The following ACADSB variants were observed in gnomAD, a reference collection of about 807,000 sequenced individuals.
The protein encoded by ACADSB is acyl-CoA dehydrogenase short/branched chain, also known as short/branched chain specific acyl-CoA dehydrogenase, mitochondrial.
ACADSB carries 40 observed loss-of-function variants against 54.1 expected under a neutral mutation model. The ratio of observed to expected loss-of-function variants is 0.74; its 90% CI spans 0.57 to 0.96. The LOEUF is 0.96. Ranked by LOEUF, ACADSB falls within the 40% of genes least tolerant of loss-of-function variation. The pLI is 0.00. For synonymous variants in ACADSB, 182 were observed against 182.8 expected, an observed-to-expected ratio of 1.00 and a Z score of 0.03; for missense variants, 530 against 510.4, an observed-to-expected ratio of 1.04 and a Z score of -0.37.
chr10:123,024,559 G>A (rs983915535), intron 1 of ACADSB, among the ~76,000 whole-genome samples: 3 of 152,384 alleles, frequency 2.0e-5, no homozygotes, highest in Middle Eastern at 3.4e-3. Flanking sequence ...CAAACTTTGG[G>A]CTTACCACCT....
At position 123,044,398 on chromosome 10, in the gene ACADSB, A is replaced by G. The variant is rs1161207800; in HGVS notation, c.813A>G (p.Pro271=). ...GTGCACATTTGTATTTTCAGGTTCC[A>G]GAAGCCAATATCTTGGGACAAATTG... ...CPLTFENVKV[P]EANILGQIGH... is the part of the protein sequence containing the mutation. The change falls in exon 7 of 11, where the codon CCA becomes CCG. Residue 271 remains proline (P), a synonymous_variant. Coordinates refer to ENST00000358776, the MANE Select transcript of ACADSB (RefSeq NM_001609.4). 1.2e-5 allele frequency: 20 copies of G among 1,611,742 alleles called. No individual in the cohort carries two copies. The highest frequency in any genetic ancestry group is 1.7e-5 in the Non-Finnish European group (20 of 1,177,826).
chr10:123,041,122 T>A, intron 4 of ACADSB, 87 bp from the exon 5 acceptor site: 4 of 1,405,852 alleles, frequency 2.8e-6, no homozygotes, highest in Non-Finnish European at 4.0e-6. Context: ...AAGATTTGAT[T>A]TACAAATGTC....
chr10:123,018,444 T>A (rs550606985), intron 1 of ACADSB, among the ~76,000 whole-genome samples: 1 of 152,232 alleles, frequency 6.6e-6, no homozygotes, highest in Non-Finnish European at 1.5e-5. Context: ...AAGACTAGAA[T>A]GAAGAATCAG....
At chr10:123,035,461 GTTC>G (rs1850385756) in intron 2 of ACADSB, among the ~76,000 whole-genome samples, 1 of 152,094 alleles carries the variant, frequency 6.6e-6, no homozygotes, top group Non-Finnish European at 1.5e-5. Context: ...TCAGAATGTT[GTTC>G]TTAGAGAATA....
chr10:123,031,865 TTGTC>T (rs1334681793), intron 1 of ACADSB, among the ~76,000 whole-genome samples: 1 of 152,218 alleles, frequency 6.6e-6, no homozygotes, highest in African/African-American at 2.4e-5. Context: ...GTCCTATACT[TTGTC>T]AGTAGCAATA....
rs904816406 is a variant in ACADSB at position 123,052,959 on chromosome 10, G to C, written c.1129-102G>C. 4.6e-6 allele frequency: 4 copies of C among 863,726 alleles called. No homozygotes were observed. The African/African-American group carries it at 5.0e-5, about 11-fold the overall frequency. The allele number at this position is 863,726 out of a possible 1,614,324, so 53.5% of individuals were successfully genotyped here. A position where few individuals can be genotyped will look rare whatever the true frequency, so the allele number is the denominator to read the frequency against. On this transcript the variant is annotated intron_variant, in intron 9 of 10. Coordinates refer to ENST00000358776, the MANE Select transcript of ACADSB (RefSeq NM_001609.4). The surrounding 1 kb of genome is among the most constrained non-coding windows in gnomAD (Gnocchi z 4.2). ...AGAAGATAACTTTAGTCCTTCCAGT[G>C]CCACTAACAGTAAATCCATGTTGCT...
intron 3 of ACADSB, among the ~76,000 whole-genome samples, chr10:123,038,454 G>A (rs61318574): frequency 0.11 from 17,266 of 152,200 alleles, 1,085 homozygotes; most frequent in East Asian, 0.14. Context: ...TACAACGTAT[G>A]AAATAGATAC....
At chr10:123,044,568 G>A in intron 7 of ACADSB, 83 bp downstream of exon 7, 4 of 1,062,198 alleles carry the variant, frequency 3.8e-6, no homozygotes, top group Non-Finnish European at 5.8e-6. Flanking sequence ...ATGAATATTT[G>A]GAAGCTTATG....
At chr10:123,039,812 A>T (rs1156865769) in intron 3 of ACADSB, among the ~76,000 whole-genome samples, 1 of 152,342 alleles carries the variant, frequency 6.6e-6, no homozygotes, top group East Asian at 1.9e-4. Flanking sequence ...TTAAGCAGGC[A>T]ACAACAGTTC....
At chr10:123,045,138 T>G (rs866267354) in intron 7 of ACADSB, among the ~76,000 whole-genome samples, 25 of 11,350 alleles carry the variant, frequency 2.2e-3, no homozygotes, top group African/African-American at 8.0e-3. Flanking sequence ...AGTGTATATA[T>G]ATATATATAT....
At chr10:123,009,097 T>G in intron 1 of ACADSB, 26 bp downstream of exon 1, 1 of 1,543,112 alleles carries the variant, frequency 6.5e-7, no homozygotes, top group Non-Finnish European at 8.7e-7. Context: ...GCTGGCGTCC[T>G]GGGGGCCCAG....
intron 1 of ACADSB, 70 bp from the exon 2 acceptor site, chr10:123,034,286 G>T (rs1246773792): frequency 2.3e-5 from 35 of 1,500,288 alleles, no homozygotes; most frequent in Non-Finnish European, 2.8e-5. Context: ...TATAAGAATG[G>T]GTTATAAAGT....
intron 10 of ACADSB, among the ~76,000 whole-genome samples, 158 bp downstream of exon 10, chr10:123,053,318 C>A (rs1251061060): frequency 1.3e-5 from 2 of 151,608 alleles, no homozygotes; most frequent in South Asian, 2.1e-4. Flanking sequence ...TTTTTTCTTA[C>A]CTCGTCCTTC....
chr10:123,037,986 T>G, intron 3 of ACADSB, 139 bp downstream of exon 3: 1 of 666,354 alleles, frequency 1.5e-6, no homozygotes, highest in Non-Finnish European at 2.6e-6. Context: ...GATATTTATG[T>G]ACTTAAAAGT....
Position 123,053,758 on chromosome 10 carries a change from A to C in ACADSB, c.1292A>C (p.Glu431Ala). The C allele has an allele frequency of 6.2e-7, 1 of 1,613,686 alleles. No homozygotes were observed. Among genetic ancestry groups the C allele is most frequent in the Non-Finnish European group, 8.5e-7 (1 of 1,179,562 alleles). ...ACCATTGCAAAGCATATCGATGCAG[A>C]ATACTGACGTCTATAGGAGTGGGAC... ...LNTIAKHIDA[E>A]Y The change falls in exon 11 of 11, where the codon GAA becomes GCA. Residue 431 changes from glutamate (E) to alanine (A), a missense_variant. Physicochemically the swap from Glu to Ala is moderately radical, Grantham distance 107. Coordinates refer to ENST00000358776, the MANE Select transcript of ACADSB (RefSeq NM_001609.4).
chr10:123,030,818 T>C (rs1345100368), intron 1 of ACADSB, among the ~76,000 whole-genome samples: 4 of 152,198 alleles, frequency 2.6e-5, no homozygotes, highest in Non-Finnish European at 4.4e-5. Flanking sequence ...CAGGAGTTCT[T>C]AACCTTCTTT....
Position 123,047,192 on chromosome 10 carries a change from T to C in ACADSB, c.901-17T>C, listed in dbSNP as rs1221303526. On this transcript the variant is annotated splice_polypyrimidine_tract_variant and intron_variant, in intron 7 of 10. Transcript: ENST00000358776. The stretch of plus-strand genomic sequence containing the variant: ...AACAAAATAAGAAATTCTGATCTTA[T>C]TTTTTTGTTTTAACAGATGCTGGGA... 6 of 1,555,696 alleles carry C rather than the reference T, an allele frequency of 3.9e-6. No homozygotes were observed. The highest frequency in any genetic ancestry group is 1.4e-5 in the African/African-American group (1 of 73,634).
At chr10:123,029,345 CAAAAAAAAAGAGAAGAAA>C (rs939100910) in intron 1 of ACADSB, among the ~76,000 whole-genome samples, 1 of 138,730 alleles carries the variant, frequency 7.2e-6, no homozygotes, top group African/African-American at 2.7e-5. Flanking sequence ...GATTCTGTCT[CAAAAAAAAAGAGAAGAAA>C]AAAAAAAAAG....
intron 2 of ACADSB, 30 bp downstream of exon 2, chr10:123,034,545 C>G (rs368047347): frequency 2.5e-5 from 40 of 1,594,824 alleles, no homozygotes; most frequent in Non-Finnish European, 3.1e-5. Flanking sequence ...TCACCTTTTT[C>G]TCCCCAGACA....
Sources: allele counts gnomAD v4.1 joint callset (sites outside exome capture counted in the v4.1 genomes callset), GRCh38; gene constraint gnomAD v4.1.1; non-coding constraint Gnocchi (gnomAD v3.1); transcripts MANE v1.5; gene names NCBI Gene and HGNC (gene_info 2026-07-23, HGNC 2026-07-21).